The following TENM3 variants were observed in gnomAD, a reference collection of about 807,000 sequenced individuals.
TENM3 encodes the protein teneurin-3.
TENM3 carries 63 observed loss-of-function variants against 255.1 expected under a neutral mutation model. The observed-to-expected ratio is 0.25, with a 90% CI of 0.20 to 0.30. The LOEUF (loss-of-function observed/expected upper bound fraction) is 0.30. Among genes scored for constraint, TENM3 ranks in the 10% least tolerant of loss-of-function variants. The probability of loss-of-function intolerance (pLI) is 1.00; values close to 1 mark genes in which losing one functional copy is unlikely to be tolerated. For synonymous variants in TENM3, 1,306 were observed against 1,322.3 expected, an observed-to-expected ratio of 0.99 and a Z score of 0.27; for missense variants, 2,929 against 3,461.1, an observed-to-expected ratio of 0.85 and a Z score of 3.86.
chr4:182,674,109 A>G (rs141691779), intron 7 of TENM3, among the ~76,000 whole-genome samples: 1 of 152,324 alleles, frequency 6.6e-6, no homozygotes, highest in Non-Finnish European at 1.5e-5. Context: ...TAAAATTGAC[A>G]GTAGGATGAG....
chr4:181,541,963 A>T, the TENM3 span, among the ~76,000 whole-genome samples: 1 of 152,224 alleles, frequency 6.6e-6, no homozygotes, highest in Non-Finnish European at 1.5e-5. Flanking sequence ...GTGCTCATGG[A>T]AAGATGCCAC....
At chr4:182,508,318 G>A (rs568954080) in intron 3 of TENM3, among the ~76,000 whole-genome samples, 1 of 152,286 alleles carries the variant, frequency 6.6e-6, no homozygotes, top group African/African-American at 2.4e-5. Flanking sequence ...TTTCATTAAA[G>A]TAACTATTCC....
At chr4:182,794,958 T>G (rs7691228) in intron 26 of TENM3, among the ~76,000 whole-genome samples, 10,257 of 151,628 alleles carry the variant, frequency 0.068, 411 homozygotes, top group African/African-American at 0.094. Flanking sequence ...CTTTTTTTTT[T>G]GGGCTTGATT....
the TENM3 span, among the ~76,000 whole-genome samples, chr4:181,758,547 G>T: frequency 2.6e-5 from 4 of 152,124 alleles, no homozygotes; most frequent in African/African-American, 9.7e-5. Flanking sequence ...TTTCCGAAGG[G>T]CTTACGCTAA....
chr4:182,161,052 G>A lies in TENM3; in HGVS notation c.-76+16298G>A, dbSNP rs914315873. Among the ~76,000 whole-genome samples, 14 of 152,126 alleles carry A rather than the reference G, an allele frequency of 9.2e-5. 1 individual carries two copies. The highest frequency in any genetic ancestry group is 3.1e-4 in the African/African-American group (13 of 41,504). On this transcript the variant is annotated intron_variant, in intron 1 of 2. Transcript: ENST00000512480. The stretch of plus-strand genomic sequence containing the variant: ...CCAGCATTTTGGGAGGCTGAGGTGG[G>A]TGGATCACTTGGGGTCAGGAGTTGG...
chr4:181,613,519 A>G, the TENM3 span, among the ~76,000 whole-genome samples: 2 of 152,190 alleles, frequency 1.3e-5, no homozygotes, highest in Non-Finnish European at 1.5e-5. Context: ...CAGAGGCAGT[A>G]TATCAGCAGA....
the TENM3 span, among the ~76,000 whole-genome samples, chr4:181,819,057 T>A: frequency 2.0e-5 from 3 of 152,200 alleles, no homozygotes; most frequent in Non-Finnish European, 4.4e-5. Context: ...CCTCTGGCTC[T>A]TCACTTGCCC....
chr4:182,766,503 G>T (rs1345094980), intron 22 of TENM3, among the ~76,000 whole-genome samples: 1 of 152,152 alleles, frequency 6.6e-6, no homozygotes, highest in Non-Finnish European at 1.5e-5. Flanking sequence ...TTGTCTCAAG[G>T]CCTGTGAATT....
the TENM3 span, among the ~76,000 whole-genome samples, chr4:181,554,375 A>T: frequency 1.3e-5 from 2 of 152,196 alleles, no homozygotes; most frequent in African/African-American, 2.4e-5. Context: ...TCCTGCTTGT[A>T]ACTCACTCAG....
the TENM3 span, among the ~76,000 whole-genome samples, chr4:181,696,741 G>C: frequency 3.9e-5 from 6 of 152,100 alleles, no homozygotes; most frequent in Admixed American, 6.5e-5. Flanking sequence ...ATGTACGAGG[G>C]GACTGAGGCT....
At chr4:182,135,648 G>T in the TENM3 span, among the ~76,000 whole-genome samples, 193 of 152,348 alleles carry the variant, frequency 1.3e-3, 3 homozygotes, top group Middle Eastern at 3.4e-3. Flanking sequence ...CAGGCTTTGA[G>T]AAAATAGCAT....
At chr4:181,891,484 C>G in the TENM3 span, among the ~76,000 whole-genome samples, 917 of 152,264 alleles carry the variant, frequency 6.0e-3, 8 homozygotes, top group Middle Eastern at 0.014. Flanking sequence ...CTTCTCTTAG[C>G]CATCCTAATA....
At chr4:181,561,012 A>G in the TENM3 span, among the ~76,000 whole-genome samples, 2 of 151,990 alleles carry the variant, frequency 1.3e-5, no homozygotes, top group Admixed American at 1.3e-4. Flanking sequence ...GAGTGCAGTG[A>G]CGCGATTTCA....
At chr4:182,639,086 T>C (rs1246928112) in intron 5 of TENM3, among the ~76,000 whole-genome samples, 1 of 152,228 alleles carries the variant, frequency 6.6e-6, no homozygotes, top group East Asian at 1.9e-4. Flanking sequence ...ACTTAGCTGT[T>C]TTTGAATACC....
At chr4:181,597,801 TC>T in the TENM3 span, among the ~76,000 whole-genome samples, 1 of 152,290 alleles carries the variant, frequency 6.6e-6, no homozygotes, top group African/African-American at 2.4e-5. Context: ...GTAATTCAGC[TC>T]CAGAGTTGCC....
At chr4:182,672,946 T>G in intron 6 of TENM3, 59 bp from the exon 7 acceptor site, 1 of 1,282,014 alleles carries the variant, frequency 7.8e-7, no homozygotes, top group Non-Finnish European at 1.1e-6. Flanking sequence ...TTAAAAACCT[T>G]TTTTGTTTTG....
At chr4:181,967,815 G>C in the TENM3 span, among the ~76,000 whole-genome samples, 2,842 of 152,216 alleles carry the variant, frequency 0.019, 93 homozygotes, top group African/African-American at 0.065. Flanking sequence ...CGTGGCTGGC[G>C]TTGTTCAGTT....
intron 1 of TENM3, among the ~76,000 whole-genome samples, chr4:182,178,746 T>G (rs915125179): frequency 6.6e-6 from 1 of 152,218 alleles, no homozygotes; most frequent in African/African-American, 2.4e-5. Flanking sequence ...GCTTCTAACT[T>G]TCTCCAGACA....
chr4:182,364,929 C>A (rs1766321640), intron 3 of TENM3, among the ~76,000 whole-genome samples: 1 of 152,104 alleles, frequency 6.6e-6, no homozygotes, highest in African/African-American at 2.4e-5. Context: ...AGGATAAATT[C>A]TTGGAAGTGG....
Sources: allele counts gnomAD v4.1 joint callset (sites outside exome capture counted in the v4.1 genomes callset), GRCh38; gene constraint gnomAD v4.1.1; transcripts MANE v1.5; gene names NCBI Gene and HGNC (gene_info 2026-07-23, HGNC 2026-07-21).